CLASP2: variants seen among roughly 807,000 people sequenced by gnomAD.
CLASP2 encodes the protein cytoplasmic linker associated protein 2, also known as CLIP-associating protein 2.
CLASP2 carries 47 observed loss-of-function variants against 194.4 expected under a neutral mutation model. That is an observed-to-expected ratio of 0.24 (90% CI 0.19 to 0.31). The LOEUF (loss-of-function observed/expected upper bound fraction) is 0.31, where lower values mean the gene tolerates loss of function less well. Among genes scored for constraint, CLASP2 ranks in the 10% least tolerant of loss-of-function variants. The pLI is 1.00. For synonymous variants in CLASP2, 619 were observed against 633.5 expected (o/e 0.98, Z 0.34); for missense variants, 1,445 against 1,823.6 (o/e 0.79, Z 3.78).
chr3:33,651,045 G>C (rs373481467), intron 7 of CLASP2, among the ~76,000 whole-genome samples: 180 of 152,158 alleles, frequency 1.2e-3, no homozygotes, highest in African/African-American at 4.3e-3. Context: ...CTGATATGAG[G>C]CTATTTATGT....
chr3:33,632,309 C>G lies in CLASP2; in HGVS notation c.925G>C (p.Asp309His). Residue 309 changes from aspartate (D) to histidine (H), a missense_variant, in exon 9 of 39, where the codon GAT (aspartate) becomes CAT (histidine). This residue lies in a region of CLASP2 where 207 missense variants were observed against 331.4 expected (regional missense o/e 0.62). Transcript: ENST00000682230. Reference sequence around the variant, plus strand: ...AGCCTTACCTGAATAGAAGGGACATCTGTAAAAGCTTTTATAAAATCATCT... The same window carrying G: ...AGCCTTACCTGAATAGAAGGGACATGTGTAAAAGCTTTTATAAAATCATCT... ...DEDDFIKAFT[D>H]VPSIQIYSSR... is the part of the protein sequence containing the mutation. 5 of 1,604,748 alleles carry G rather than the reference C, an allele frequency of 3.1e-6. No homozygotes were observed. Among genetic ancestry groups the G allele is most frequent in the Non-Finnish European group, 4.3e-6 (5 of 1,175,880 alleles).
intron 18 of CLASP2, among the ~76,000 whole-genome samples, chr3:33,597,513 T>C (rs1414000702): frequency 6.6e-6 from 1 of 152,172 alleles, no homozygotes; most frequent in African/African-American, 2.4e-5. Context: ...CTGCTACAGT[T>C]TGCCTAAGCT....
intron 30 of CLASP2, among the ~76,000 whole-genome samples, chr3:33,548,261 T>C (rs918771971): frequency 6.6e-6 from 1 of 152,076 alleles, no homozygotes; most frequent in Non-Finnish European, 1.5e-5. Context: ...TACAGATTTT[T>C]AAAAAAAGTT....
In CLASP2 at chr3:33,619,464, C is replaced by T. The variant is rs73826761; in HGVS notation, c.1317+139G>A. 2.5e-4 allele frequency: 173 copies of T among 701,090 alleles called. No homozygotes were observed. In the African/African-American group the frequency reaches 3.2e-3, roughly 13 times the overall value. 43.4% of individuals were successfully genotyped at this position (701,090 alleles called of 1,614,324 possible). ...AGAAAAATAATTCAAAAATGATTTG[C>T]TTTTGGGGTTCAAAAAGAAACTCCA... On this transcript the variant is annotated intron_variant, in intron 12 of 38. Coordinates refer to ENST00000682230, the MANE Select transcript of CLASP2 (RefSeq NM_001365631.1).
chr3:33,717,367 G>A (rs1176051714), intron 1 of CLASP2, among the ~76,000 whole-genome samples: 1 of 152,158 alleles, frequency 6.6e-6, no homozygotes, highest in Admixed American at 6.5e-5. Context: ...CTCGGCTCGC[G>A]TACGAAGAGG....
chr3:33,529,519 A>T (rs914053620), intron 34 of CLASP2, among the ~76,000 whole-genome samples: 2 of 152,178 alleles, frequency 1.3e-5, no homozygotes, highest in African/African-American at 2.4e-5. Context: ...TTAGACTGCA[A>T]ATCTGTGAGC....
rs949057256 is a variant in CLASP2, at chr3:33,544,709, T to C, written c.3286A>G (p.Asn1096Asp). 8 of 1,610,758 alleles carry C rather than the reference T, an allele frequency of 5.0e-6. No homozygotes were observed. Among genetic ancestry groups the C allele is most frequent in the Non-Finnish European group, 6.8e-6 (8 of 1,178,730 alleles). ...TAAGTAACAATTACCTGGGTTCCAT[T>C]GCCAGTGTTTCGAAGGTGATTATGA... The part of the protein sequence containing the change: ...LLHNHLRNTG[N>D]GTQSSMGSPL... The change falls in exon 31 of 39, where the codon AAT becomes GAT. Residue 1096 changes from asparagine (N) to aspartate (D), a missense_variant. Asn to Asp is a conservative substitution (Grantham distance 23, BLOSUM62 1). Around this residue, in one of 4 missense-constraint regions of CLASP2, gnomAD observed 732 missense variants for 987.9 expected, o/e 0.74. Transcript: ENST00000682230.
intron 1 of CLASP2, among the ~76,000 whole-genome samples, chr3:33,708,151 T>C (rs905603951): frequency 2.0e-5 from 3 of 152,070 alleles, no homozygotes; most frequent in Non-Finnish European, 4.4e-5. Context: ...TACTGTGCAT[T>C]AGGTTTCCAG....
intron 37 of CLASP2, among the ~76,000 whole-genome samples, chr3:33,505,716 C>T (rs976901197): frequency 1.1e-4 from 16 of 152,230 alleles, no homozygotes; most frequent in Middle Eastern, 3.4e-3. Flanking sequence ...TCACTGAAGG[C>T]GGGACAACTA....
chr3:33,680,847 C>G (rs1186559169), intron 6 of CLASP2, among the ~76,000 whole-genome samples: 1 of 151,800 alleles, frequency 6.6e-6, no homozygotes, highest in African/African-American at 2.4e-5. Flanking sequence ...AATAATAAAG[C>G]TAGGTGCAGT....
At chr3:33,552,720 C>T (rs79820876) in intron 29 of CLASP2, among the ~76,000 whole-genome samples, 10,902 of 152,232 alleles carry the variant, frequency 0.072, 487 homozygotes, top group Admixed American at 0.1. Context: ...GCAAGAGCAT[C>T]TAAAATCTAC....
chr3:33,612,130 T>G (rs6807542), intron 12 of CLASP2, 59 bp from the exon 13 acceptor site: 297,814 of 1,022,350 alleles, frequency 0.29, 45,723 homozygotes, highest in Admixed American at 0.43. Context: ...GGTCCTTTCT[T>G]CTATTTGCCT....
At chr3:33,709,996 G>C (rs2092922371) in intron 1 of CLASP2, among the ~76,000 whole-genome samples, 1 of 152,184 alleles carries the variant, frequency 6.6e-6, no homozygotes, top group African/African-American at 2.4e-5. Context: ...TAACTAGGAA[G>C]TCCTGGGGAT....
At position 33,497,740 on chromosome 3, in the gene CLASP2, C is replaced by T. The variant is rs887248337; in HGVS notation, c.*891G>A. On this transcript the variant is annotated 3_prime_UTR_variant, in exon 39 of 39. Transcript: ENST00000682230. ...GTGAGAAACAGAAGACGGTCAAGGA[C>T]ACACACGCACTTGATTTTTTTTGTC... The T allele has an allele frequency of 3.3e-5, 5 of 152,532 alleles. No homozygotes were observed. The highest frequency in any genetic ancestry group is 1.2e-4 in the African/African-American group (5 of 41,450). The allele number at this position is 152,532 out of a possible 1,614,324, so 9.4% of individuals were successfully genotyped here.
chr3:33,692,926 A>T (rs920433023), intron 2 of CLASP2, among the ~76,000 whole-genome samples: 1 of 152,094 alleles, frequency 6.6e-6, no homozygotes, highest in Non-Finnish European at 1.5e-5. Flanking sequence ...AAACCATTCT[A>T]AAAAAGTGAT....
intron 25 of CLASP2, among the ~76,000 whole-genome samples, 192 bp from the exon 26 acceptor site, chr3:33,570,982 C>G (rs1018742805): frequency 5.4e-5 from 8 of 148,696 alleles, no homozygotes; most frequent in Non-Finnish European, 1.0e-4. Context: ...TCAAGATCAG[C>G]ATGGGCAAGA....
rs201918217 is a variant in CLASP2 at position 33,600,081 on chromosome 3, A to AT, written c.1924+2870dup. Among the ~76,000 whole-genome samples the AT allele has an allele frequency of 1.2e-3, 180 of 151,438 alleles. 1 individual carries two copies. Among genetic ancestry groups the AT allele is most frequent in the African/African-American group, 3.6e-3 (148 of 41,290 alleles). ...TGTAATGTGTTTTGCTCATATATAT[A>AT]TTTTTTTTGTGTGTGTGTGTGTGTG... is the stretch of plus-strand genomic sequence containing the variant. On this transcript the variant is annotated intron_variant, in intron 18 of 38. Coordinates refer to ENST00000682230, the MANE Select transcript of CLASP2 (RefSeq NM_001365631.1).
At chr3:33,547,352 G>C (rs2059311225) in intron 30 of CLASP2, among the ~76,000 whole-genome samples, 1 of 152,146 alleles carries the variant, frequency 6.6e-6, no homozygotes, top group South Asian at 2.1e-4. Context: ...GACATTATTT[G>C]CTCTTCCTTG....
chr3:33,671,343 A>G lies in CLASP2; in HGVS notation c.645-7828T>C, dbSNP rs534585017. Among the ~76,000 whole-genome samples, 3 of 152,300 alleles carry G rather than the reference A, an allele frequency of 2.0e-5. No homozygotes were observed. In the East Asian group the frequency reaches 5.8e-4, roughly 29 times the overall value. ...CATGTCCAACTATTAAAAAAAAATT[A>G]CATGGCATTATAAAAGACAAAAAAA... On this transcript the variant is annotated intron_variant, in intron 6 of 38. Transcript: ENST00000682230.
Sources: gnomAD v4.1 joint callset for allele counts (sites outside exome capture counted in the v4.1 genomes callset) on GRCh38, gnomAD v4.1.1 for gene constraint, gnomAD v4.1.1 regional missense constraint, MANE v1.5 for transcripts, NCBI Gene and HGNC (gene_info 2026-07-23, HGNC 2026-07-21) for gene names.